Variants in DNAAF11 observed in about 807,000 individuals in gnomAD.
DNAAF11 encodes the protein dynein axonemal assembly factor 11.
Under a neutral mutation model 60.8 loss-of-function variants are expected in DNAAF11, and 45 were observed. That is an observed-to-expected ratio of 0.74 (90% CI 0.58 to 0.95). The LOEUF is 0.95. DNAAF11 is among the 40% of genes least tolerant of loss of function. The pLI is 0.00. For missense variants in DNAAF11, 546 were observed against 546.2 expected, an observed-to-expected ratio of 1.00 and a Z score of 0.00; for synonymous variants, 191 against 183.5, an observed-to-expected ratio of 1.04 and a Z score of -0.33.
rs146664604 is a variant in DNAAF11, at chr8:132,573,917, C to T, written c.1227-1437G>A. On this transcript the variant is annotated intron_variant, in intron 11 of 11. Transcript: ENST00000620350. ...AGAAGCCCAAACAGCATACCATAAA[C>T]TCCGTATGCCACAGGAAGGAGAAGA... Among the ~76,000 whole-genome samples, 742 of 152,262 alleles carry T rather than the reference C, an allele frequency of 4.9e-3. 12 individuals are homozygous for T. The highest frequency in any genetic ancestry group is 0.017 in the African/African-American group (714 of 41,558).
At chr8:132,656,752 G>A (rs567647239) in intron 3 of DNAAF11, 78 bp downstream of exon 3, 26 of 646,092 alleles carry the variant, frequency 4.0e-5, no homozygotes, top group Non-Finnish European at 5.7e-5. Flanking sequence ...GATTACAGGC[G>A]TGAGCCACTG....
chr8:132,617,916 T>C (rs1478267542), intron 7 of DNAAF11, among the ~76,000 whole-genome samples: 2 of 149,650 alleles, frequency 1.3e-5, no homozygotes, highest in African/African-American at 5.0e-5. Context: ...AAGCTACCAA[T>C]GACTTTCTTC....
At chr8:132,679,884 T>C (rs1018643094), upstream of DNAAF11, among the ~76,000 whole-genome samples, 2 of 152,216 alleles carry the variant, frequency 1.3e-5, no homozygotes, top group Non-Finnish European at 2.9e-5. Context: ...CCTCTTTCTT[T>C]TGGACATTGC....
At chr8:132,632,042 T>A (rs934501998) in intron 5 of DNAAF11, among the ~76,000 whole-genome samples, 2 of 150,952 alleles carry the variant, frequency 1.3e-5, no homozygotes, top group African/African-American at 4.9e-5. Flanking sequence ...AAAAAAAAGA[T>A]CCAAAGCAAA....
chr8:132,676,600 T>A (rs7817660), upstream of DNAAF11, among the ~76,000 whole-genome samples: 42,759 of 151,010 alleles, frequency 0.28, 6,238 homozygotes, highest in Non-Finnish European at 0.31. Flanking sequence ...TTCTAGCGAA[T>A]AGCTGTTAAG....
chr8:132,639,773 C>G (rs1821673659), intron 3 of DNAAF11, among the ~76,000 whole-genome samples: 3 of 152,064 alleles, frequency 2.0e-5, no homozygotes, highest in Admixed American at 2.0e-4. Context: ...CTATATCCAC[C>G]CATCCATTCA....
At chr8:132,631,823 C>T (rs1226815348) in intron 5 of DNAAF11, among the ~76,000 whole-genome samples, 1 of 151,914 alleles carries the variant, frequency 6.6e-6, no homozygotes, top group East Asian at 1.9e-4. Context: ...AATGAGAACA[C>T]ATGGACACAG....
At chr8:132,637,873 G>T in intron 4 of DNAAF11, 62 bp downstream of exon 4, 1 of 1,400,434 alleles carries the variant, frequency 7.1e-7, no homozygotes, top group Admixed American at 2.1e-5. Context: ...AGTAAAGCAG[G>T]AATTATTGTA....
At chr8:132,676,989 ATAGAT>A (rs1232689710), upstream of DNAAF11, among the ~76,000 whole-genome samples, 3 of 152,234 alleles carry the variant, frequency 2.0e-5, no homozygotes, top group African/African-American at 7.2e-5. Context: ...CATTGGAAAC[ATAGAT>A]TAAATACACA....
chr8:132,690,771 T>C, the DNAAF11 span, among the ~76,000 whole-genome samples: 3 of 152,202 alleles, frequency 2.0e-5, no homozygotes, highest in Non-Finnish European at 4.4e-5. Context: ...TTTTACAAAG[T>C]ACTGGTTAAG....
intron 10 of DNAAF11, among the ~76,000 whole-genome samples, chr8:132,601,123 A>G (rs991938824): frequency 2.0e-5 from 3 of 152,384 alleles, no homozygotes; most frequent in Admixed American, 2.0e-4. Context: ...GGATATGAAC[A>G]GACATTTCTC....
chr8:132,701,409 C>G, the DNAAF11 span, among the ~76,000 whole-genome samples: 1 of 152,154 alleles, frequency 6.6e-6, no homozygotes, highest in Non-Finnish European at 1.5e-5. Context: ...GGACACTGGA[C>G]TTAGACCAGT....
At chr8:132,673,617 T>G (rs1825401002) in intron 1 of DNAAF11, among the ~76,000 whole-genome samples, 1 of 152,196 alleles carries the variant, frequency 6.6e-6, no homozygotes, top group South Asian at 2.1e-4. Context: ...CACCAGTTCC[T>G]GTCAGTGACA....
intron 3 of DNAAF11, among the ~76,000 whole-genome samples, chr8:132,654,536 C>T (rs909896862): frequency 9.9e-5 from 15 of 151,846 alleles, no homozygotes; most frequent in Non-Finnish European, 1.3e-4. Context: ...TAAAACAAGT[C>T]TCAATAAGCT....
At chr8:132,690,383 T>G in the DNAAF11 span, among the ~76,000 whole-genome samples, 5 of 152,188 alleles carry the variant, frequency 3.3e-5, no homozygotes, top group African/African-American at 1.2e-4. Context: ...CCTGCTGCCT[T>G]GTGAAGAAAG....
chr8:132,681,316 T>C, the DNAAF11 span, among the ~76,000 whole-genome samples: 27 of 143,880 alleles, frequency 1.9e-4, no homozygotes, highest in African/African-American at 6.8e-4. Context: ...AGCCAACCAT[T>C]CCTTTTTTTT....
Position 132,656,853 on chromosome 8 carries a change from ATGT to A in DNAAF11, c.230_232del (p.Asn77del), listed in dbSNP as rs1823625018. 2 of 1,363,606 alleles carry A rather than the reference ATGT, an allele frequency of 1.5e-6. No homozygotes were observed. Among genetic ancestry groups the A allele is most frequent in the Non-Finnish European group, 2.1e-6 (2 of 971,904 alleles). The allele number at this position is 1,363,606 out of a possible 1,614,324, so 84.5% of individuals were successfully genotyped here. A position where few individuals can be genotyped will look rare whatever the true frequency, so the allele number is the denominator to read the frequency against. ...ACCTTCCAAGTTTTCTATTTTTTCAATGTTGTTTAAAGCTAAATTCAAATATTC... is the reference window on the plus strand; with the variant it reads ...ACCTTCCAAGTTTTCTATTTTTTCAATGTTTAAAGCTAAATTCAAATATTC... On this transcript the variant is annotated inframe_deletion, in exon 3 of 12. Transcript: ENST00000620350.
chr8:132,663,367 A>T (rs1455111282), intron 1 of DNAAF11, among the ~76,000 whole-genome samples: 1 of 152,200 alleles, frequency 6.6e-6, no homozygotes, highest in African/African-American at 2.4e-5. Flanking sequence ...GCTTAAATCA[A>T]CTGATAATGA....
At chr8:132,675,692 G>C, upstream of DNAAF11, 1 of 472,208 alleles carries the variant, frequency 2.1e-6, no homozygotes, top group Non-Finnish European at 3.8e-6. Flanking sequence ...CCGCAGTGAA[G>C]GGGCTCAGCA....
Sources: gnomAD v4.1 joint callset for allele counts (sites outside exome capture counted in the v4.1 genomes callset) on GRCh38, gnomAD v4.1.1 for gene constraint, MANE v1.5 for transcripts, NCBI Gene and HGNC (gene_info 2026-07-23, HGNC 2026-07-21) for gene names.